Variants in SVIL observed in about 807,000 individuals in gnomAD.
SVIL encodes the protein archvillin.
Under a neutral mutation model 240.4 loss-of-function variants are expected in SVIL, and 101 were observed. That is an observed-to-expected ratio of 0.42 (90% CI 0.36 to 0.50). The LOEUF (loss-of-function observed/expected upper bound fraction) is 0.50, where lower values mean the gene tolerates loss of function less well. Among genes scored for constraint, SVIL ranks in the 20% least tolerant of loss-of-function variants. The probability of loss-of-function intolerance (pLI) is 0.01; values close to 1 mark genes in which losing one functional copy is unlikely to be tolerated. For missense variants in SVIL, 2,512 were observed against 2,818.7 expected (o/e 0.89, Z 2.46); for synonymous variants, 999 against 1,100.0 (o/e 0.91, Z 1.82).
Position 29,662,778 on chromosome 10 carries a change from T to TACACAC in SVIL, c.-300-4716_-300-4711dup, listed in dbSNP as rs3040508. ...GGCAGCAGGGATGTATGTGCGCGCG[T>TACACAC]ACACACACACACACACACACACGGA... On this transcript the variant is annotated intron_variant, in intron 2 of 35. Transcript: ENST00000375400. Among the ~76,000 whole-genome samples, 508 of 149,474 alleles carry TACACAC rather than the reference T, an allele frequency of 3.4e-3. 7 individuals carry two copies. Among genetic ancestry groups the TACACAC allele is most frequent in the African/African-American group, 0.011 (463 of 40,888 alleles).
chr10:29,473,975 T>C lies in SVIL; in HGVS notation c.5392A>G (p.Lys1798Glu), dbSNP rs758930199. 16 of 1,613,388 alleles carry C rather than the reference T, an allele frequency of 9.9e-6. No individual in the cohort carries two copies. The East Asian group carries it at 3.3e-4, about 34-fold the overall frequency. Residue 1798 changes from lysine (K) to glutamate (E), a missense_variant, in exon 30 of 38, where the codon AAG (lysine) becomes GAG (glutamate). Coordinates refer to ENST00000355867, the MANE Select transcript of SVIL (RefSeq NM_021738.3). ...MVSTAVGSRQ[K>E]GEHSVRAAGK... ...GCTGCCCTCACCGAGTGCTCTCCCTTCTGGCGACTTCCCACTGCAAACACA... is the reference window on the plus strand; with the variant it reads ...GCTGCCCTCACCGAGTGCTCTCCCTCCTGGCGACTTCCCACTGCAAACACA...
At chr10:29,645,072 T>C (rs1285827279) in intron 3 of SVIL, among the ~76,000 whole-genome samples, 1 of 152,186 alleles carries the variant, frequency 6.6e-6, no homozygotes, top group African/African-American at 2.4e-5. Context: ...TTATATTTAA[T>C]ACAACATTCA....
intron 16 of SVIL, among the ~76,000 whole-genome samples, chr10:29,520,299 T>G (rs1259738050): frequency 1.3e-5 from 2 of 152,202 alleles, no homozygotes; most frequent in African/African-American, 4.8e-5. Context: ...TTAAATGATC[T>G]CTCTTCTTCC....
intron 2 of SVIL, among the ~76,000 whole-genome samples, chr10:29,662,755 C>A (rs925339057): frequency 1.3e-5 from 2 of 151,536 alleles, no homozygotes; most frequent in Non-Finnish European, 2.9e-5. Context: ...GAAGACAGGG[C>A]AGCAGGGATG....
intron 32 of SVIL, among the ~76,000 whole-genome samples, chr10:29,469,957 A>G (rs1945366175): frequency 6.6e-6 from 1 of 152,218 alleles, no homozygotes; most frequent in Admixed American, 6.5e-5. Flanking sequence ...AAAGGCCCCC[A>G]GGCTTCTCAT....
chr10:29,569,910 C>T (rs1955303180), intron 1 of SVIL, among the ~76,000 whole-genome samples: 1 of 152,134 alleles, frequency 6.6e-6, no homozygotes, highest in Non-Finnish European at 1.5e-5. Flanking sequence ...AAAAACATCC[C>T]AAAGGAACAG....
chr10:29,465,885 G>T, intron 33 of SVIL, 135 bp from the exon 34 acceptor site: 2 of 1,128,186 alleles, frequency 1.8e-6, no homozygotes, highest in African/African-American at 1.6e-5. Flanking sequence ...GCTTCAAGGT[G>T]GAGAAAGCCT....
intron 1 of SVIL, among the ~76,000 whole-genome samples, chr10:29,704,016 T>G (rs1222293899): frequency 1.3e-5 from 2 of 152,152 alleles, no homozygotes; most frequent in Admixed American, 6.5e-5. Flanking sequence ...TTGGCCAGGC[T>G]GATCTCGAAT....
intron 13 of SVIL, among the ~76,000 whole-genome samples, chr10:29,525,175 CT>C (rs748925143): frequency 1.6e-4 from 24 of 152,112 alleles, no homozygotes; most frequent in Non-Finnish European, 3.4e-4. Context: ...AACAGAAGGT[CT>C]TGATTTTTAC....
intron 1 of SVIL, among the ~76,000 whole-genome samples, chr10:29,617,219 ACTT>A (rs1462558109): frequency 2.6e-5 from 4 of 152,164 alleles, no homozygotes; most frequent in African/African-American, 9.7e-5. Context: ...GTTGAGTGTT[ACTT>A]CTTTTCTGTG....
chr10:29,570,804 G>A (rs926613862), intron 1 of SVIL, among the ~76,000 whole-genome samples: 6 of 152,170 alleles, frequency 3.9e-5, no homozygotes, highest in Non-Finnish European at 8.8e-5. Flanking sequence ...GCAATCACAA[G>A]ATAAGCTCAT....
chr10:29,572,977 A>C (rs573447438), intron 1 of SVIL, among the ~76,000 whole-genome samples: 1 of 152,166 alleles, frequency 6.6e-6, no homozygotes, highest in Non-Finnish European at 1.5e-5. Flanking sequence ...CTAAATGTTT[A>C]TTTTGAATTA....
At chr10:29,514,533 C>T (rs1162386342) in intron 16 of SVIL, among the ~76,000 whole-genome samples, 2 of 152,212 alleles carry the variant, frequency 1.3e-5, no homozygotes, top group African/African-American at 2.4e-5. Flanking sequence ...TGCACCACTA[C>T]ACTAGGCTAA....
Position 29,523,792 on chromosome 10 carries a change from T to G in SVIL, c.2822A>C (p.Lys941Thr). 6.2e-7 allele frequency: 1 copy of G among 1,614,208 alleles called. No individual in the cohort carries two copies. The highest frequency in any genetic ancestry group is 1.1e-5 in the South Asian group (1 of 91,088). Residue 941 changes from lysine to threonine, a missense_variant, in exon 15 of 38, where the codon AAG becomes ACG. Lys to Thr is a moderately conservative substitution (Grantham distance 78). Transcript: ENST00000355867. ...CTCTCCATATTCTCTCAACATTCCC[T>G]TGTTCTCGCTACCCTCTACCAAAGG... ...WQPLVEGSEN[K>T]GMLREYGETE...
chr10:29,663,346 T>C (rs1258846953), intron 2 of SVIL, among the ~76,000 whole-genome samples: 1 of 152,218 alleles, frequency 6.6e-6, no homozygotes, highest in Non-Finnish European at 1.5e-5. Flanking sequence ...GTGACAACTT[T>C]TCTGTACTTT....
At chr10:29,590,548 G>T (rs1293514807) in intron 1 of SVIL, among the ~76,000 whole-genome samples, 1 of 152,182 alleles carries the variant, frequency 6.6e-6, no homozygotes, top group Non-Finnish European at 1.5e-5. Flanking sequence ...ACACCTTCTG[G>T]CTAGTAGATC....
At chr10:29,578,162 A>T (rs1258739651) in intron 1 of SVIL, among the ~76,000 whole-genome samples, 2 of 152,198 alleles carry the variant, frequency 1.3e-5, no homozygotes, top group African/African-American at 4.8e-5. Flanking sequence ...ACACACACCT[A>T]ATCAGAATGA....
chr10:29,562,503 G>C (rs996734901), intron 3 of SVIL, among the ~76,000 whole-genome samples: 4 of 152,238 alleles, frequency 2.6e-5, no homozygotes, highest in Non-Finnish European at 4.4e-5. Flanking sequence ...GCTCACGCCT[G>C]TAATCGCAGC....
In SVIL at chr10:29,587,396, G is replaced by A. The variant is rs1294759322; in HGVS notation, c.-200-18084C>T. 2.0e-5 allele frequency among the ~76,000 whole-genome samples: 3 copies of A among 152,386 alleles called. No individual in the cohort carries two copies. The East Asian group carries it at 5.8e-4, about 29-fold the overall frequency. On this transcript the variant is annotated intron_variant, in intron 1 of 37. Transcript: ENST00000355867. ...TGCCTAATAAGGCAATCTGCAGGTT[G>A]ACGGGTGGCTTACAGGTCACCACTG...
Sources: allele counts gnomAD v4.1 joint callset (sites outside exome capture counted in the v4.1 genomes callset), GRCh38; gene constraint gnomAD v4.1.1; transcripts MANE v1.5; gene names NCBI Gene and HGNC (gene_info 2026-07-23, HGNC 2026-07-21).